The following HLA-F variants were observed in gnomAD, a reference collection of about 807,000 sequenced individuals.
The protein encoded by HLA-F is major histocompatibility complex, class I, F, also known as HLA class I histocompatibility antigen, alpha chain F.
In HLA-F, 46 loss-of-function variants were observed where a neutral mutation model predicts 49.5. That is an observed-to-expected ratio of 0.93 (90% confidence interval 0.73 to 1.19). The LOEUF is 1.19. Among genes scored for constraint, HLA-F ranks in the 50% most tolerant of loss-of-function variants. The probability of loss-of-function intolerance (pLI) is 0.00; values close to 1 mark genes in which losing one functional copy is unlikely to be tolerated. For missense variants in HLA-F, 496 were observed against 579.6 expected (o/e 0.86, Z 1.48); for synonymous variants, 203 against 233.5 (o/e 0.87, Z 1.19).
chr6:29,736,399 A>AT (rs1777102486), intron 3 of HLA-F: 1 of 453,502 alleles, frequency 2.2e-6, no homozygotes, highest in Non-Finnish European at 4.4e-6. Context: ...AATTGGACTA[A>AT]TTTTTTCCAA....
rs1367949256 is a variant in HLA-F at position 29,737,321 on chromosome 6, T to C, written c.404-801T>C. On this transcript the variant is annotated intron_variant, in intron 3 of 4. Transcript: ENST00000465459. Reference sequence around the variant, plus strand: ...TCATAGAGATACATTAAACCACACCTTGGGGTGCAATCTGCAAAATGCAAA... The same window carrying C: ...TCATAGAGATACATTAAACCACACCCTGGGGTGCAATCTGCAAAATGCAAA... 2.1e-4 allele frequency among the ~76,000 whole-genome samples: 32 copies of C among 149,702 alleles called. No individual in the cohort carries two copies. In the Admixed American group the frequency reaches 2.1e-3, roughly 10 times the overall value.
In HLA-F at chr6:29,723,461, G is replaced by T; in HGVS notation, c.-3G>T. On this transcript the variant is annotated 5_prime_UTR_variant, in exon 1 of 7. Coordinates refer to ENST00000259951, the MANE Select transcript of HLA-F (RefSeq NM_001098479.2). ...ATTTTTCCCAGACGCGGAGGTTGGG[G>T]TCATGGCGCCCCGAAGCCTCCTCCT... 2 of 1,613,586 alleles carry T rather than the reference G, an allele frequency of 1.2e-6. No individual in the cohort carries two copies. The highest frequency in any genetic ancestry group is 1.7e-5 in the Admixed American group (1 of 59,956).
At chr6:29,734,369 A>C (rs981882441) in intron 3 of HLA-F, among the ~76,000 whole-genome samples, 7 of 152,168 alleles carry the variant, frequency 4.6e-5, no homozygotes, top group Non-Finnish European at 7.3e-5. Flanking sequence ...TTTCCCTCCA[A>C]ATGAATCATC....
At position 29,724,260 on chromosome 6, in the gene HLA-F, G is replaced by C; in HGVS notation, c.422G>C (p.Gly141Ala). The stretch of plus-strand genomic sequence containing the variant: ...GGGTATCACCAGCACGCGTACGACG[G>C]CAAGGATTACATCTCCCTGAACGAG... ...LRGYHQHAYD[G>A]KDYISLNEDL... The change falls in exon 3 of 7, where the codon GGC (glycine) becomes GCC (alanine). Residue 141 changes from glycine to alanine, a missense_variant. Transcript: ENST00000259951. The C allele has an allele frequency of 6.2e-7, 1 of 1,613,274 alleles. No homozygotes were observed. Among genetic ancestry groups the C allele is most frequent in the Non-Finnish European group, 8.5e-7 (1 of 1,180,028 alleles).
chr6:29,729,732 A>G (rs1776401746), downstream of HLA-F, among the ~76,000 whole-genome samples: 1 of 152,240 alleles, frequency 6.6e-6, no homozygotes, highest in Non-Finnish European at 1.5e-5. Context: ...GGGAGGAAAT[A>G]TTTGCCAATT....
chr6:29,731,597 T>C (rs1228585957), downstream of HLA-F, among the ~76,000 whole-genome samples: 1 of 152,138 alleles, frequency 6.6e-6, no homozygotes, highest in African/African-American at 2.4e-5. Flanking sequence ...GTGATTGGAT[T>C]GTGGCTGCCC....
intron 5 of HLA-F, 70 bp downstream of exon 5, chr6:29,725,633 T>G: frequency 7.7e-7 from 1 of 1,305,604 alleles, no homozygotes; most frequent in East Asian, 2.3e-5. Flanking sequence ...CAAGTAGAAG[T>G]GTGCCCTGCC....
intron 3 of HLA-F, chr6:29,735,229 T>C (rs1776956058): frequency 1.3e-5 from 2 of 149,172 alleles, no homozygotes; most frequent in African/African-American, 2.5e-5. Context: ...AAAATATACA[T>C]ATTACTACTA....
chr6:29,727,371 T>C (rs1233358), downstream of HLA-F: 4 of 489,816 alleles, frequency 8.2e-6, no homozygotes, highest in African/African-American at 2.0e-5. Context: ...TAGCTTGTTT[T>C]CTTAAAATGT....
In HLA-F at chr6:29,725,279, C is replaced by G; in HGVS notation, c.859C>G (p.Leu287Val). The change falls in exon 4 of 7, where the codon CTG becomes GTG. Residue 287 changes from leucine (L) to valine (V), a missense_variant. Transcript: ENST00000259951. ...CACATGCCATGTGCAGCACGAGGGGCTGCCCCAGCCCCTCATCCTGAGATG... is the reference window on the plus strand; with the variant it reads ...CACATGCCATGTGCAGCACGAGGGGGTGCCCCAGCCCCTCATCCTGAGATG... ...RYTCHVQHEGLPQPLILRWEQ... is the reference protein window; with the variant it reads ...RYTCHVQHEGVPQPLILRWEQ... 1.2e-6 allele frequency: 2 copies of G among 1,614,174 alleles called. No homozygotes were observed. Among genetic ancestry groups the G allele is most frequent in the Non-Finnish European group, 1.7e-6 (2 of 1,180,022 alleles).
At chr6:29,725,746 A>T (rs898210847) in intron 5 of HLA-F, among the ~76,000 whole-genome samples, 183 bp downstream of exon 5, 25 of 152,176 alleles carry the variant, frequency 1.6e-4, no homozygotes, top group African/African-American at 5.6e-4. Flanking sequence ...TGAAGGACAG[A>T]TTCTTCACTT....
intron 3 of HLA-F, among the ~76,000 whole-genome samples, chr6:29,733,750 T>A (rs1206763045): frequency 2.6e-5 from 4 of 152,260 alleles, no homozygotes; most frequent in African/African-American, 7.2e-5. Flanking sequence ...AGAAAAATAT[T>A]CTTCCTCCAC....
intron 3 of HLA-F, among the ~76,000 whole-genome samples, chr6:29,733,821 C>A (rs529902026): frequency 7.9e-5 from 12 of 152,136 alleles, no homozygotes; most frequent in Non-Finnish European, 1.5e-4. Context: ...GCTAAGAATA[C>A]CATCAATTTA....
rs200675121 is a variant in HLA-F, at chr6:29,724,174, G to A, written c.336G>A (p.Gly112=). 17 of 1,612,842 alleles carry A rather than the reference G, an allele frequency of 1.1e-5. No individual in the cohort carries two copies. In the African/African-American group the frequency reaches 1.9e-4, roughly 18 times the overall value. Residue 112 remains glycine, a splice_region_variant and synonymous_variant, in exon 3 of 7, where the codon GGG becomes GGA. Coordinates refer to ENST00000259951, the MANE Select transcript of HLA-F (RefSeq NM_001098479.2). The stretch of plus-strand genomic sequence containing the variant: ...GGGCTGACTGCGGGGACCGGCTAGG[G>A]TCTCACACCCTCCAGGGAATGAATG... ...LLRRYNQSEA[G]SHTLQGMNGC...
downstream of HLA-F, chr6:29,728,071 G>A (rs1332190334): frequency 1.9e-6 from 1 of 518,928 alleles, no homozygotes; most frequent in East Asian, 5.4e-5. Context: ...TGACTGGAGT[G>A]AGGAGGAGGT....
At chr6:29,723,624 G>C (rs748864874) in intron 1 of HLA-F, 34 bp from the exon 2 acceptor site, 1 of 1,603,714 alleles carries the variant, frequency 6.2e-7, no homozygotes, top group East Asian at 2.2e-5. Flanking sequence ...TCCGGAGGAG[G>C]GTCTGGCGGG....
downstream of HLA-F, among the ~76,000 whole-genome samples, chr6:29,730,533 G>A (rs901009124): frequency 6.6e-6 from 1 of 152,146 alleles, no homozygotes; most frequent in East Asian, 1.9e-4. Context: ...AAAGTGGTTA[G>A]AAGGTAAATT....
downstream of HLA-F, among the ~76,000 whole-genome samples, chr6:29,730,849 T>G (rs1776513022): frequency 6.6e-6 from 1 of 152,158 alleles, no homozygotes; most frequent in Non-Finnish European, 1.5e-5. Context: ...AGGACCCCTG[T>G]GGCCTCATCC....
downstream of HLA-F, among the ~76,000 whole-genome samples, chr6:29,730,156 G>T (rs1230181774): frequency 6.6e-6 from 1 of 152,236 alleles, no homozygotes; most frequent in Non-Finnish European, 1.5e-5. Context: ...AAAGGTGGAA[G>T]CAACCGAGTG....
Sources: gnomAD v4.1 joint callset for allele counts (sites outside exome capture counted in the v4.1 genomes callset) on GRCh38, gnomAD v4.1.1 for gene constraint, MANE v1.5 for transcripts, NCBI Gene and HGNC (gene_info 2026-07-23, HGNC 2026-07-21) for gene names.